The following SUMF1 variants were observed in gnomAD, a reference collection of about 807,000 sequenced individuals.
SUMF1 encodes the protein sulfatase modifying factor 1, also known as formylglycine-generating enzyme.
In SUMF1, 48 loss-of-function variants were observed where a neutral mutation model predicts 47.6. That is an observed-to-expected ratio of 1.01 (90% CI 0.80 to 1.28). The LOEUF is 1.28. Ranked by LOEUF, SUMF1 falls within the 50% of genes most tolerant of loss-of-function variation. The pLI, the probability that SUMF1 is intolerant of heterozygous loss-of-function variation, is 0.00. For missense variants in SUMF1, 571 were observed against 485.4 expected (o/e 1.18, Z -1.66); for synonymous variants, 230 against 192.1 (o/e 1.20, Z -1.63).
At chr3:4,058,502 C>G (rs190440530) in intron 9 of SUMF1, among the ~76,000 whole-genome samples, 1 of 152,022 alleles carries the variant, frequency 6.6e-6, no homozygotes, top group East Asian at 1.9e-4. Flanking sequence ...ATTAAGGGAC[C>G]AGGGACTGGC....
At chr3:4,457,778 T>C (rs76830899) in intron 1 of SUMF1, among the ~76,000 whole-genome samples, 1 of 152,300 alleles carries the variant, frequency 6.6e-6, no homozygotes, top group East Asian at 1.9e-4. Flanking sequence ...AGTCTGAAAC[T>C]GTAAAACTAC....
At chr3:4,313,460 T>C (rs1165961175) in intron 8 of SUMF1, 3 of 1,614,034 alleles carry the variant, frequency 1.9e-6, no homozygotes, top group Admixed American at 1.7e-5. Flanking sequence ...ATTGACTCAA[T>C]GGTACCTAAG....
rs988457868 is a variant in SUMF1, at chr3:4,424,560, G to A, written c.520-4414C>T. Among the ~76,000 whole-genome samples the A allele has an allele frequency of 1.5e-4, 23 of 152,270 alleles. No homozygotes were observed. The South Asian group carries it at 2.7e-3, about 18-fold the overall frequency. On this transcript the variant is annotated intron_variant, in intron 3 of 8. Coordinates refer to ENST00000272902, the MANE Select transcript of SUMF1 (RefSeq NM_182760.4). ...CTGAAGCAAGTATGCAAAGATATAT[G>A]TATAGTAAATCTAGACATAATATAG...
chr3:4,047,378 T>C (rs751417116), intron 9 of SUMF1, among the ~76,000 whole-genome samples: 1 of 152,152 alleles, frequency 6.6e-6, no homozygotes, highest in Non-Finnish European at 1.5e-5. Context: ...TTCCCCTTTC[T>C]AACCCTTATT....
At chr3:4,191,075 TGAG>T (rs1695305029) in intron 8 of SUMF1, among the ~76,000 whole-genome samples, 2 of 152,138 alleles carry the variant, frequency 1.3e-5, no homozygotes, top group South Asian at 4.1e-4. Flanking sequence ...AAAGCCCCTC[TGAG>T]GAGATGACAT....
intron 2 of SUMF1, 145 bp downstream of exon 2, chr3:4,452,731 A>T: frequency 9.6e-7 from 1 of 1,044,092 alleles, no homozygotes; most frequent in Non-Finnish European, 1.4e-6. Flanking sequence ...GTGAGAAATT[A>T]AGATGAAATA....
At chr3:4,232,397 A>C (rs1696320162) in intron 8 of SUMF1, among the ~76,000 whole-genome samples, 1 of 152,130 alleles carries the variant, frequency 6.6e-6, no homozygotes, top group Non-Finnish European at 1.5e-5. Context: ...CAAAATTCTG[A>C]GGAAGAATAT....
chr3:4,194,616 A>C (rs2629246), intron 8 of SUMF1, among the ~76,000 whole-genome samples: 103,424 of 152,060 alleles, frequency 0.68, 35,299 homozygotes, highest in African/African-American at 0.71. Flanking sequence ...GTTCTACCTA[A>C]CTTTTCAAGT....
chr3:4,070,792 C>T (rs1234951521), intron 8 of SUMF1, among the ~76,000 whole-genome samples: 14 of 151,970 alleles, frequency 9.2e-5, no homozygotes, highest in African/African-American at 2.2e-4. Flanking sequence ...CCTGCTACCA[C>T]GCCTAATTTT....
downstream of SUMF1, among the ~76,000 whole-genome samples, chr3:4,357,114 G>A (rs1688371313): frequency 1.3e-5 from 2 of 152,082 alleles, no homozygotes; most frequent in Admixed American, 6.5e-5. Flanking sequence ...CCAGCCTGCA[G>A]GTTAACTCCC....
At chr3:4,142,237 A>T (rs944749062) in intron 8 of SUMF1, among the ~76,000 whole-genome samples, 1 of 152,136 alleles carries the variant, frequency 6.6e-6, no homozygotes, top group Non-Finnish European at 1.5e-5. Context: ...TGTTAAAGAA[A>T]AAAAAATGGC....
chr3:4,458,829 C>G (rs1193906281), intron 1 of SUMF1, among the ~76,000 whole-genome samples: 2 of 151,992 alleles, frequency 1.3e-5, no homozygotes, highest in African/African-American at 4.8e-5. Flanking sequence ...GCACTCCAGC[C>G]TGGGCAACAG....
chr3:4,114,785 C>T (rs925186124), intron 8 of SUMF1, among the ~76,000 whole-genome samples: 2 of 152,122 alleles, frequency 1.3e-5, no homozygotes, highest in Non-Finnish European at 2.9e-5. Context: ...ATTAGACACA[C>T]CCATTTACAC....
intron 8 of SUMF1, among the ~76,000 whole-genome samples, chr3:4,073,130 G>T (rs186709300): frequency 6.6e-6 from 1 of 152,176 alleles, no homozygotes; most frequent in East Asian, 1.9e-4. Flanking sequence ...GACTAACAGC[G>T]GATCTCTCTG....
chr3:4,213,768 T>C (rs1695852889), intron 8 of SUMF1, among the ~76,000 whole-genome samples: 1 of 152,202 alleles, frequency 6.6e-6, no homozygotes, highest in South Asian at 2.1e-4. Context: ...TCCCAGTCTC[T>C]GATAAAACAG....
chr3:4,306,648 G>A (rs980085083), intron 8 of SUMF1, among the ~76,000 whole-genome samples: 2 of 152,220 alleles, frequency 1.3e-5, no homozygotes, highest in Non-Finnish European at 2.9e-5. Context: ...AAGCCTAAAA[G>A]TGCATTCAAC....
In SUMF1 at chr3:4,059,691, G is replaced by A. The variant is rs150309722; in HGVS notation, c.1191+8878C>T. On this transcript the variant is annotated intron_variant and NMD_transcript_variant, in intron 9 of 12. Transcript: ENST00000448413. ...CGAAAACAATTTCTGCCTTCATGGA[G>A]TTCACAGTATAGAGGGAAGAGAGGC... Among the ~76,000 whole-genome samples the A allele has an allele frequency of 4.4e-3, 671 of 151,348 alleles. 5 individuals are homozygous for A. The highest frequency in any genetic ancestry group is 0.015 in the African/African-American group (612 of 41,350).
intron 8 of SUMF1, among the ~76,000 whole-genome samples, chr3:4,371,176 A>C (rs949900035): frequency 3.9e-5 from 6 of 152,194 alleles, no homozygotes; most frequent in African/African-American, 1.2e-4. Context: ...CTTTTTTACC[A>C]ACTTTATTTT....
chr3:4,381,256 A>G (rs112567628), intron 7 of SUMF1, among the ~76,000 whole-genome samples: 4,997 of 152,266 alleles, frequency 0.033, 113 homozygotes, highest in Non-Finnish European at 0.047. Context: ...CAAACATCAT[A>G]TGTTCTCACT....
Sources: gnomAD v4.1 joint callset for allele counts (sites outside exome capture counted in the v4.1 genomes callset) on GRCh38, gnomAD v4.1.1 for gene constraint, MANE v1.5 for transcripts, NCBI Gene and HGNC (gene_info 2026-07-23, HGNC 2026-07-21) for gene names.